RTN1: variants seen among roughly 807,000 people sequenced by gnomAD.
The protein encoded by RTN1 is reticulon-1.
A neutral mutation model predicts 65.5 loss-of-function variants in RTN1; 25 were observed. The ratio of observed to expected loss-of-function variants is 0.38; its 90% CI spans 0.28 to 0.53. RTN1 has a LOEUF of 0.53. RTN1 is among the 20% of genes least tolerant of loss of function. The pLI, the probability that RTN1 is intolerant of heterozygous loss-of-function variation, is 0.79. For missense variants in RTN1, 983 were observed against 1,025.4 expected (o/e 0.96, Z 0.57); for synonymous variants, 471 against 447.6 (o/e 1.05, Z -0.66).
intron 3 of RTN1, among the ~76,000 whole-genome samples, chr14:59,685,432 CA>C (rs1215077584): frequency 1.3e-5 from 2 of 151,842 alleles, no homozygotes; most frequent in Non-Finnish European, 2.9e-5. Context: ...AAGACTCCAC[CA>C]AAAAAACTGT....
chr14:59,706,128 C>G (rs1884288593), intron 3 of RTN1, among the ~76,000 whole-genome samples: 1 of 152,216 alleles, frequency 6.6e-6, no homozygotes, highest in Non-Finnish European at 1.5e-5. Flanking sequence ...CCACACCCGA[C>G]AGACATTTCA....
chr14:59,689,697 C>G (rs1442381101), intron 3 of RTN1, among the ~76,000 whole-genome samples: 3 of 152,144 alleles, frequency 2.0e-5, no homozygotes, highest in East Asian at 3.8e-4. Context: ...AACTTCATAT[C>G]CCACCAAACT....
At chr14:59,618,923 G>C (rs760434584) in intron 3 of RTN1, among the ~76,000 whole-genome samples, 4 of 152,204 alleles carry the variant, frequency 2.6e-5, no homozygotes, top group African/African-American at 7.2e-5. Context: ...CTGCTTTTAA[G>C]GAATTTTAGG....
chr14:59,813,373 G>A (rs969423807), intron 1 of RTN1, among the ~76,000 whole-genome samples: 13 of 152,020 alleles, frequency 8.6e-5, no homozygotes, highest in Non-Finnish European at 2.9e-5. Flanking sequence ...ATTAGTTTGT[G>A]GGGAAAGTCA....
At chr14:59,851,088 A>G (rs1887496919) in intron 1 of RTN1, among the ~76,000 whole-genome samples, 1 of 152,242 alleles carries the variant, frequency 6.6e-6, no homozygotes, top group Non-Finnish European at 1.5e-5. Context: ...CAACCTATGT[A>G]CCAACTTTCC....
At chr14:59,779,871 CAG>C (rs1185694740) in intron 1 of RTN1, among the ~76,000 whole-genome samples, 1 of 152,104 alleles carries the variant, frequency 6.6e-6, no homozygotes, top group African/African-American at 2.4e-5. Context: ...CCTGCAGTCT[CAG>C]AGGAGACCAT....
intron 3 of RTN1, among the ~76,000 whole-genome samples, chr14:59,616,463 A>C (rs1169801880): frequency 3.9e-5 from 6 of 152,196 alleles, no homozygotes; most frequent in African/African-American, 1.4e-4. Flanking sequence ...AAATTGTGAC[A>C]TTAAAATAGA....
At chr14:59,800,390 T>G (rs905831557) in intron 1 of RTN1, among the ~76,000 whole-genome samples, 3 of 152,156 alleles carry the variant, frequency 2.0e-5, no homozygotes, top group Non-Finnish European at 2.9e-5. Flanking sequence ...AATACATCTT[T>G]TTGTTGTTGT....
intron 3 of RTN1, among the ~76,000 whole-genome samples, chr14:59,675,884 G>A (rs1308302313): frequency 6.6e-6 from 1 of 152,148 alleles, no homozygotes; most frequent in Non-Finnish European, 1.5e-5. Context: ...TTAAGGGCAT[G>A]ATCTGGGGTC....
At chr14:59,717,908 T>C (rs1302819271) in intron 3 of RTN1, among the ~76,000 whole-genome samples, 2 of 152,208 alleles carry the variant, frequency 1.3e-5, no homozygotes, top group South Asian at 2.1e-4. Context: ...ATTCTCAAGT[T>C]CTCTGCCTAC....
At chr14:59,625,224 T>C (rs1410772597) in intron 3 of RTN1, among the ~76,000 whole-genome samples, 1 of 152,220 alleles carries the variant, frequency 6.6e-6, no homozygotes, top group East Asian at 1.9e-4. Flanking sequence ...ATTAGGATTA[T>C]CGTTTTTTAA....
intron 2 of RTN1, among the ~76,000 whole-genome samples, chr14:59,744,336 C>G (rs1438673135): frequency 6.6e-6 from 1 of 152,210 alleles, no homozygotes; most frequent in African/African-American, 2.4e-5. Context: ...CTGTCCTCTT[C>G]ATCTCGATGC....
chr14:59,865,873 A>T (rs1360968452), intron 1 of RTN1, among the ~76,000 whole-genome samples: 1 of 152,196 alleles, frequency 6.6e-6, no homozygotes, highest in Non-Finnish European at 1.5e-5. Context: ...ACATTTAGCC[A>T]GTTATTTCTT....
At chr14:59,738,779 A>C (rs1486018202) in intron 2 of RTN1, among the ~76,000 whole-genome samples, 1 of 152,232 alleles carries the variant, frequency 6.6e-6, no homozygotes, top group Non-Finnish European at 1.5e-5. Context: ...AGACTGGATA[A>C]AGAAAATGTG....
intron 3 of RTN1, among the ~76,000 whole-genome samples, chr14:59,718,895 C>T (rs867908001): frequency 1.1e-4 from 16 of 152,304 alleles, no homozygotes; most frequent in Middle Eastern, 3.4e-3. Flanking sequence ...TCCAAAGCAT[C>T]GGTAGGTCCT....
intron 1 of RTN1, among the ~76,000 whole-genome samples, chr14:59,834,250 A>AGAAGAAG (rs1475868172): frequency 6.6e-6 from 1 of 152,222 alleles, no homozygotes; most frequent in Non-Finnish European, 1.5e-5. Context: ...CTGAAACTAT[A>AGAAGAAG]AAATTTCTAG....
At chr14:59,773,978 T>C (rs1886005926) in intron 1 of RTN1, among the ~76,000 whole-genome samples, 2 of 152,230 alleles carry the variant, frequency 1.3e-5, no homozygotes, top group African/African-American at 4.8e-5. Flanking sequence ...TTCTTTTCTC[T>C]CTTTCATGTG....
rs979941221 is a variant in RTN1, at chr14:59,727,205, G to T, written c.1479C>A (p.Ser493Arg). 1 of 1,577,974 alleles carries T rather than the reference G, an allele frequency of 6.3e-7. No homozygotes were observed. The highest frequency in any genetic ancestry group is 1.2e-5 in the South Asian group (1 of 86,292). ...REQDSPPMKP[S>R]ALDAIREETG... ...TCTCCTCCCGGATGGCATCCAGGGC[G>T]CTGGGCTTCATCGGGGGTGAGTCCT... Residue 493 changes from serine (S) to arginine (R), a missense_variant, in exon 3 of 9, where the codon AGC becomes AGA. By Grantham distance (110) the Ser-to-Arg change is moderately radical. Transcript: ENST00000267484. This position sits in a 1 kb window ranked among gnomAD's most constrained non-coding sequence, Gnocchi z 4.2.
intron 3 of RTN1, among the ~76,000 whole-genome samples, chr14:59,616,571 T>C (rs1004974171): frequency 3.9e-5 from 6 of 152,202 alleles, no homozygotes; most frequent in African/African-American, 1.4e-4. Flanking sequence ...TATGGGAAAC[T>C]TCTATAATGT....
Sources: allele counts gnomAD v4.1 joint callset (sites outside exome capture counted in the v4.1 genomes callset), GRCh38; gene constraint gnomAD v4.1.1; non-coding constraint Gnocchi (gnomAD v3.1); transcripts MANE v1.5; gene names NCBI Gene and HGNC (gene_info 2026-07-23, HGNC 2026-07-21).